GPC5: variants seen among roughly 807,000 people sequenced by gnomAD.
The protein encoded by GPC5 is glypican 5, also known as glypican-5.
GPC5 carries 47 observed loss-of-function variants against 53.9 expected under a neutral mutation model. The ratio of observed to expected loss-of-function variants is 0.87; its 90% confidence interval spans 0.69 to 1.11. The LOEUF (loss-of-function observed/expected upper bound fraction) is 1.11, where lower values mean the gene tolerates loss of function less well. Ranked by LOEUF, GPC5 falls within the 50% of genes most tolerant of loss-of-function variation. The probability of loss-of-function intolerance (pLI) is 0.00; values close to 1 mark genes in which losing one functional copy is unlikely to be tolerated. For synonymous variants in GPC5, 286 were observed against 263.3 expected (o/e 1.09, Z -0.84); for missense variants, 748 against 713.1 (o/e 1.05, Z -0.56).
intron 7 of GPC5, among the ~76,000 whole-genome samples, chr13:92,250,611 G>A (rs1409792746): frequency 2.0e-5 from 3 of 152,040 alleles, no homozygotes; most frequent in African/African-American, 7.2e-5. Context: ...TTGCTTGACC[G>A]CCGCTGCTGT....
intron 7 of GPC5, among the ~76,000 whole-genome samples, chr13:92,500,874 CA>C (rs1407832444): frequency 4.6e-5 from 7 of 151,760 alleles, no homozygotes. Flanking sequence ...GATAAAAGAC[CA>C]AAAAAGGGAA....
At chr13:92,133,449 C>T (rs559100576) in intron 6 of GPC5, among the ~76,000 whole-genome samples, 2 of 152,276 alleles carry the variant, frequency 1.3e-5, no homozygotes, top group South Asian at 4.1e-4. Flanking sequence ...TTCTGCATAG[C>T]TGGCTAATGA....
chr13:92,264,164 A>G (rs1335853398), intron 7 of GPC5, among the ~76,000 whole-genome samples: 2 of 152,168 alleles, frequency 1.3e-5, no homozygotes, highest in Non-Finnish European at 2.9e-5. Context: ...CAACCCTATG[A>G]TATTCCCTTT....
At chr13:92,794,799 A>G (rs1033313281) in intron 7 of GPC5, among the ~76,000 whole-genome samples, 21 of 152,168 alleles carry the variant, frequency 1.4e-4, no homozygotes, top group Non-Finnish European at 1.2e-4. Context: ...TACAAAGAGA[A>G]TAAAATATCT....
chr13:91,725,706 C>T (rs907697584), intron 3 of GPC5, among the ~76,000 whole-genome samples: 1 of 152,156 alleles, frequency 6.6e-6, no homozygotes, highest in Non-Finnish European at 1.5e-5. Flanking sequence ...TATTTTTCAG[C>T]TCTCAGTCTG....
At chr13:92,630,159 A>T (rs1285447462) in intron 7 of GPC5, among the ~76,000 whole-genome samples, 1 of 152,162 alleles carries the variant, frequency 6.6e-6, no homozygotes, top group Non-Finnish European at 1.5e-5. Context: ...CTACTATCAC[A>T]CCCAACATTT....
chr13:92,765,076 A>G (rs1346023874), intron 7 of GPC5, among the ~76,000 whole-genome samples: 1 of 152,184 alleles, frequency 6.6e-6, no homozygotes, highest in Non-Finnish European at 1.5e-5. Context: ...GGGTTTATTT[A>G]GTGAATGAGA....
At chr13:91,721,176 C>T (rs1267768738) in intron 3 of GPC5, among the ~76,000 whole-genome samples, 1 of 148,638 alleles carries the variant, frequency 6.7e-6, no homozygotes, top group African/African-American at 2.5e-5. Flanking sequence ...CTCTTGTTGC[C>T]CAGGCTGGAA....
intron 7 of GPC5, among the ~76,000 whole-genome samples, chr13:92,524,147 G>A (rs1222738208): frequency 1.3e-5 from 2 of 152,060 alleles, no homozygotes; most frequent in Non-Finnish European, 2.9e-5. Context: ...TCTGTAGCAT[G>A]CGATGATGTT....
chr13:91,622,010 T>C (rs1427208480), intron 2 of GPC5, among the ~76,000 whole-genome samples: 2 of 151,996 alleles, frequency 1.3e-5, no homozygotes, highest in East Asian at 3.9e-4. Context: ...TGGAGTCCGA[T>C]GTTCAAGAGT....
At chr13:92,778,773 G>A (rs1299424445) in intron 7 of GPC5, among the ~76,000 whole-genome samples, 4 of 152,156 alleles carry the variant, frequency 2.6e-5, no homozygotes. Context: ...ATAAAGTGTA[G>A]ATAGTTCTTC....
chr13:92,848,092 C>T (rs1352825570), intron 7 of GPC5, among the ~76,000 whole-genome samples: 4 of 152,174 alleles, frequency 2.6e-5, no homozygotes, highest in African/African-American at 9.7e-5. Flanking sequence ...CTGTAACCTA[C>T]TCTCCAAATG....
At chr13:92,227,978 C>A (rs1340464685) in intron 7 of GPC5, among the ~76,000 whole-genome samples, 1 of 151,728 alleles carries the variant, frequency 6.6e-6, no homozygotes, top group African/African-American at 2.4e-5. Context: ...ATAAACTAAG[C>A]TAGAGAAAAT....
chr13:91,748,838 C>T (rs2037107631), intron 4 of GPC5, among the ~76,000 whole-genome samples: 1 of 151,930 alleles, frequency 6.6e-6, no homozygotes, highest in South Asian at 2.1e-4. Context: ...GAAGACAATT[C>T]TGGGTGGAGG....
chr13:91,965,243 G>A (rs759300994), intron 6 of GPC5, among the ~76,000 whole-genome samples: 1 of 151,890 alleles, frequency 6.6e-6, no homozygotes, highest in Non-Finnish European at 1.5e-5. Flanking sequence ...ATATAAAAAA[G>A]CACCTAGAAT....
intron 7 of GPC5, among the ~76,000 whole-genome samples, chr13:92,696,277 T>C (rs1302554324): frequency 8.6e-5 from 13 of 151,906 alleles, no homozygotes; most frequent in Admixed American, 2.0e-4. Context: ...CATCCCACTG[T>C]CTTCCACAAT....
chr13:92,323,802 TA>T (rs1424222176), intron 7 of GPC5, among the ~76,000 whole-genome samples: 4 of 151,926 alleles, frequency 2.6e-5, no homozygotes, highest in African/African-American at 9.7e-5. Flanking sequence ...AAAATGTACT[TA>T]AAATATAATT....
intron 1 of GPC5, among the ~76,000 whole-genome samples, chr13:91,416,135 T>C (rs1878202235): frequency 6.6e-6 from 1 of 152,062 alleles, no homozygotes; most frequent in Non-Finnish European, 1.5e-5. Flanking sequence ...AGAAGTACCT[T>C]GAGGAGGGAG....
At chr13:92,277,261 A>G (rs2139163442) in intron 7 of GPC5, among the ~76,000 whole-genome samples, 1 of 152,154 alleles carries the variant, frequency 6.6e-6, no homozygotes, top group Admixed American at 6.5e-5. Context: ...GAAGCAGAGA[A>G]GAAGGGAAAG....
Sources: allele counts gnomAD v4.1 joint callset (sites outside exome capture counted in the v4.1 genomes callset), GRCh38; gene constraint gnomAD v4.1.1; transcripts MANE v1.5; gene names NCBI Gene and HGNC (gene_info 2026-07-23, HGNC 2026-07-21).